Variants in PCDH15 observed in about 807,000 individuals in gnomAD.
The protein encoded by PCDH15 is protocadherin related 15, also known as protocadherin-15.
In PCDH15, 129 loss-of-function variants were observed where a neutral mutation model predicts 178.5. That is an observed-to-expected ratio of 0.72 (90% CI 0.63 to 0.84). The LOEUF (loss-of-function observed/expected upper bound fraction) is 0.84, where lower values mean the gene tolerates loss of function less well. PCDH15 is among the 40% of genes least tolerant of loss of function. PCDH15 has a pLI of 0.00. For synonymous variants in PCDH15, 800 were observed against 732.0 expected (o/e 1.09, Z -1.50); for missense variants, 2,230 against 2,099.9 (o/e 1.06, Z -1.21).
At chr10:54,267,651 C>A (rs949963763) in intron 8 of PCDH15, among the ~76,000 whole-genome samples, 2 of 151,658 alleles carry the variant, frequency 1.3e-5, no homozygotes, top group African/African-American at 4.8e-5. Flanking sequence ...AGAACCAAAT[C>A]AAGAACACAA....
At chr10:55,081,031 G>T (rs571226133) in intron 2 of PCDH15, among the ~76,000 whole-genome samples, 1 of 152,240 alleles carries the variant, frequency 6.6e-6, no homozygotes, top group Non-Finnish European at 1.5e-5. Context: ...AAGGAGCTTT[G>T]GGGGTCTCCA....
intron 1 of PCDH15, among the ~76,000 whole-genome samples, chr10:54,752,050 A>T (rs1946300682): frequency 6.6e-6 from 1 of 152,234 alleles, no homozygotes; most frequent in South Asian, 2.1e-4. Flanking sequence ...TATTCCAGAT[A>T]AATGGATATT....
intron 2 of PCDH15, among the ~76,000 whole-genome samples, chr10:54,535,732 A>AAAG (rs1565532160): frequency 7.9e-5 from 12 of 151,040 alleles, no homozygotes; most frequent in African/African-American, 2.9e-4. Context: ...AAAAAAAAAA[A>AAAG]AAGAAGTTTA....
chr10:53,831,647 A>T, intron 29 of PCDH15, 114 bp from the exon 30 acceptor site: 1 of 740,672 alleles, frequency 1.4e-6, no homozygotes. Context: ...ACACAAGCTG[A>T]GTCAGAAGTC....
chr10:54,974,332 G>T (rs1246022081), intron 2 of PCDH15, among the ~76,000 whole-genome samples: 1 of 151,698 alleles, frequency 6.6e-6, no homozygotes, highest in Non-Finnish European at 1.5e-5. Flanking sequence ...TATATTAATG[G>T]CAAATAATGT....
chr10:55,074,995 T>C (rs534514999), intron 2 of PCDH15, among the ~76,000 whole-genome samples: 1 of 152,172 alleles, frequency 6.6e-6, no homozygotes, highest in Non-Finnish European at 1.5e-5. Context: ...TTGCTTGTTT[T>C]AGTCAGGTTT....
At chr10:55,592,154 G>A (rs551808363) in intron 2 of PCDH15, among the ~76,000 whole-genome samples, 7 of 152,218 alleles carry the variant, frequency 4.6e-5, no homozygotes, top group South Asian at 4.1e-4. Flanking sequence ...TTATTGCGCC[G>A]GTATTTTTCA....
chr10:53,898,495 G>A (rs10825158), intron 26 of PCDH15, among the ~76,000 whole-genome samples: 76,283 of 151,844 alleles, frequency 0.5, 20,843 homozygotes, highest in Middle Eastern at 0.68. Context: ...GTCACTAACG[G>A]AAATCAACTT....
At chr10:53,982,368 C>T (rs1286247085) in intron 21 of PCDH15, among the ~76,000 whole-genome samples, 1 of 152,068 alleles carries the variant, frequency 6.6e-6, no homozygotes, top group Non-Finnish European at 1.5e-5. Flanking sequence ...GACACATGCA[C>T]ACGTATGTTT....
chr10:54,296,515 G>A (rs969943647), intron 8 of PCDH15, among the ~76,000 whole-genome samples: 16 of 152,076 alleles, frequency 1.1e-4, no homozygotes, highest in East Asian at 1.9e-4. Context: ...GGCTAGTCTC[G>A]CTTCTAAAAA....
At chr10:55,341,762 CATATATATATATATATATATATAT>C (rs775413614) in intron 2 of PCDH15, among the ~76,000 whole-genome samples, 31 of 44,022 alleles carry the variant, frequency 7.0e-4, no homozygotes, top group South Asian at 1.5e-3. Flanking sequence ...CATACATATG[CATATATATATATATATATATATAT>C]ATATATATAT....
rs2044713197 is a variant in PCDH15 at position 54,153,150 on chromosome 10, A to G, written c.1734T>C (p.Thr578=). 1 of 1,613,912 alleles carries G rather than the reference A, an allele frequency of 6.2e-7. No homozygotes were observed. Among genetic ancestry groups the G allele is most frequent in the Non-Finnish European group, 8.5e-7 (1 of 1,179,874 alleles). ...CCGCTGCTTGGACCGTGAGTGCGTA[A>G]GTCCGCCCGACTATCATTTCCACCC... The part of the protein sequence containing the change: ...APGVEMIVGR[T]YALTVQAADN... Residue 578 remains threonine, a synonymous_variant, in exon 14 of 38, where the codon ACT becomes ACC. Coordinates refer to ENST00000644397, the MANE Select transcript of PCDH15 (RefSeq NM_001384140.1).
At chr10:54,608,313 A>G (rs951766809) in intron 2 of PCDH15, among the ~76,000 whole-genome samples, 1 of 151,926 alleles carries the variant, frequency 6.6e-6, no homozygotes, top group Non-Finnish European at 1.5e-5. Context: ...ACCAAAAAAA[A>G]AAAAGAAAAA....
chr10:55,609,600 T>C (rs1392742883), intron 2 of PCDH15, among the ~76,000 whole-genome samples: 2 of 152,112 alleles, frequency 1.3e-5, no homozygotes, highest in Non-Finnish European at 2.9e-5. Flanking sequence ...AGATATTGTA[T>C]CATCCAAATA....
At chr10:53,940,834 A>G (rs771206159) in intron 24 of PCDH15, 32 bp downstream of exon 24, 4 of 1,455,926 alleles carry the variant, frequency 2.7e-6, no homozygotes, top group Non-Finnish European at 2.9e-6. Context: ...TTACTGGTTG[A>G]TGGTGAGAAC....
At chr10:54,647,419 A>G (rs146131789) in intron 2 of PCDH15, among the ~76,000 whole-genome samples, 8 of 152,196 alleles carry the variant, frequency 5.3e-5, no homozygotes, top group African/African-American at 1.2e-4. Context: ...GTTATGAAAG[A>G]TAAAAATTCT....
At chr10:54,989,212 G>T (rs1015636587) in intron 2 of PCDH15, among the ~76,000 whole-genome samples, 1 of 152,226 alleles carries the variant, frequency 6.6e-6, no homozygotes, top group Non-Finnish European at 1.5e-5. Flanking sequence ...GAAGTTTGCT[G>T]CAGGGGTGGG....
intron 2 of PCDH15, among the ~76,000 whole-genome samples, chr10:54,535,249 A>G (rs1028354486): frequency 1.3e-5 from 2 of 152,200 alleles, no homozygotes; most frequent in East Asian, 1.9e-4. Context: ...ATTACTCAAC[A>G]TCATTGCTTT....
chr10:55,602,589 C>T (rs1017131519), intron 2 of PCDH15, among the ~76,000 whole-genome samples: 2 of 152,100 alleles, frequency 1.3e-5, no homozygotes, highest in Admixed American at 6.6e-5. Flanking sequence ...CGCTGACCCC[C>T]GAGCAGCCTA....
Sources: gnomAD v4.1 joint callset for allele counts (sites outside exome capture counted in the v4.1 genomes callset) on GRCh38, gnomAD v4.1.1 for gene constraint, MANE v1.5 for transcripts, NCBI Gene and HGNC (gene_info 2026-07-23, HGNC 2026-07-21) for gene names.